The following CNTNAP5 variants were observed in gnomAD, a reference collection of about 807,000 sequenced individuals.
CNTNAP5 encodes the protein contactin-associated protein-like 5.
Under a neutral mutation model 150.2 loss-of-function variants are expected in CNTNAP5, and 72 were observed. The observed-to-expected ratio is 0.48, with a 90% CI of 0.40 to 0.58. CNTNAP5 has a LOEUF of 0.58. Ranked by LOEUF, CNTNAP5 falls within the 20% of genes least tolerant of loss-of-function variation. CNTNAP5 has a pLI of 0.00. For missense variants in CNTNAP5, 1,636 were observed against 1,626.2 expected, an observed-to-expected ratio of 1.01 and a Z score of -0.10; for synonymous variants, 672 against 619.8, an observed-to-expected ratio of 1.08 and a Z score of -1.25.
At chr2:124,060,326 G>A (rs951357036) in intron 1 of CNTNAP5, among the ~76,000 whole-genome samples, 1 of 152,142 alleles carries the variant, frequency 6.6e-6, no homozygotes, top group African/African-American at 2.4e-5. Context: ...GGCTTGCCCT[G>A]ATCATATTAA....
At chr2:124,653,394 C>A (rs11686268) in intron 13 of CNTNAP5, among the ~76,000 whole-genome samples, 83,097 of 150,762 alleles carry the variant, frequency 0.55, 23,454 homozygotes, top group Non-Finnish European at 0.62. Flanking sequence ...ATATATGTGT[C>A]TGTATGATAG....
chr2:124,033,704 G>T (rs1238243914), intron 1 of CNTNAP5, among the ~76,000 whole-genome samples: 1 of 152,078 alleles, frequency 6.6e-6, no homozygotes, highest in Non-Finnish European at 1.5e-5. Flanking sequence ...CAGGGAACCT[G>T]GGAAGGCCCC....
At chr2:124,854,416 A>C (rs73955861) in intron 19 of CNTNAP5, among the ~76,000 whole-genome samples, 10,784 of 152,266 alleles carry the variant, frequency 0.071, 1,164 homozygotes, top group African/African-American at 0.24. Context: ...TCCATTTTTT[A>C]ATCTGAGGAT....
At chr2:124,699,722 A>G (rs1558740147) in intron 13 of CNTNAP5, among the ~76,000 whole-genome samples, 1 of 152,128 alleles carries the variant, frequency 6.6e-6, no homozygotes, top group African/African-American at 2.4e-5. Context: ...TCATGCCTAG[A>G]AGTCACTGCC....
At position 124,745,149 on chromosome 2, in the gene CNTNAP5, T is replaced by A. The variant is rs74597041; in HGVS notation, c.2078-2080T>A. Among the ~76,000 whole-genome samples, 628 of 152,226 alleles carry A rather than the reference T, an allele frequency of 4.1e-3. 4 individuals are homozygous for A. Among genetic ancestry groups the A allele is most frequent in the African/African-American group, 0.014 (591 of 41,536 alleles). On this transcript the variant is annotated intron_variant, in intron 13 of 23. Transcript: ENST00000682447. ...GGGAGTAAAAACACCAAATAAGAATTGGTAAATCTACTAGAAGCAACACAT... is the reference window on the plus strand; with the variant it reads ...GGGAGTAAAAACACCAAATAAGAATAGGTAAATCTACTAGAAGCAACACAT...
chr2:124,200,749 C>T (rs1279431291), intron 1 of CNTNAP5, among the ~76,000 whole-genome samples: 1 of 152,212 alleles, frequency 6.6e-6, no homozygotes, highest in Non-Finnish European at 1.5e-5. Flanking sequence ...GTATTTCTTA[C>T]TCCCTACCTG....
At chr2:124,073,818 C>T (rs2104667171) in intron 1 of CNTNAP5, among the ~76,000 whole-genome samples, 1 of 152,234 alleles carries the variant, frequency 6.6e-6, no homozygotes, top group South Asian at 2.1e-4. Flanking sequence ...CTATATGATT[C>T]AGCAATTCCA....
intron 19 of CNTNAP5, among the ~76,000 whole-genome samples, chr2:124,812,147 A>AT (rs1190897802): frequency 3.6e-5 from 4 of 110,550 alleles, no homozygotes; most frequent in African/African-American, 7.0e-5. Flanking sequence ...TATATATTAT[A>AT]TAATATATAA....
intron 11 of CNTNAP5, among the ~76,000 whole-genome samples, chr2:124,606,271 G>A (rs967010791): frequency 2.0e-5 from 3 of 152,064 alleles, no homozygotes; most frequent in Admixed American, 2.0e-4. Flanking sequence ...CTGGATGGAT[G>A]GGGGAATGGA....
At chr2:124,706,940 A>AAGG (rs368704738) in intron 13 of CNTNAP5, among the ~76,000 whole-genome samples, 234 of 18,200 alleles carry the variant, frequency 0.013, 6 homozygotes, top group African/African-American at 0.016. Context: ...GAAGAAGAAG[A>AAGG]AGGAGGAGGA....
chr2:124,643,622 A>G (rs749525284), intron 12 of CNTNAP5, among the ~76,000 whole-genome samples: 5 of 152,232 alleles, frequency 3.3e-5, no homozygotes, highest in Non-Finnish European at 7.3e-5. Context: ...CTAAGGAATG[A>G]AGTCCAAGCC....
chr2:124,378,997 CT>C (rs1237668593), intron 3 of CNTNAP5, among the ~76,000 whole-genome samples: 1 of 151,710 alleles, frequency 6.6e-6, no homozygotes, highest in East Asian at 1.9e-4. Flanking sequence ...AATTTTTTTT[CT>C]AATTATTTTT....
chr2:124,853,060 G>A (rs555213829), intron 19 of CNTNAP5, among the ~76,000 whole-genome samples: 2 of 152,186 alleles, frequency 1.3e-5, no homozygotes, highest in Admixed American at 6.5e-5. Context: ...GAATAGAAAA[G>A]AATCAACATG....
At chr2:124,066,555 G>T (rs941805361) in intron 1 of CNTNAP5, among the ~76,000 whole-genome samples, 1 of 151,978 alleles carries the variant, frequency 6.6e-6, no homozygotes, top group Non-Finnish European at 1.5e-5. Flanking sequence ...TGGGACCTTC[G>T]ATGTGAAGAC....
At chr2:124,896,397 T>C (rs1173967608) in intron 21 of CNTNAP5, among the ~76,000 whole-genome samples, 2 of 151,694 alleles carry the variant, frequency 1.3e-5, no homozygotes, top group East Asian at 3.9e-4. Flanking sequence ...TACTCTGTAT[T>C]GGACACTGTG....
At chr2:124,365,874 T>C (rs557497875) in intron 3 of CNTNAP5, among the ~76,000 whole-genome samples, 1 of 152,338 alleles carries the variant, frequency 6.6e-6, no homozygotes, top group African/African-American at 2.4e-5. Context: ...CCAGGAGCTC[T>C]TGCATCAAAT....
chr2:124,062,120 C>T (rs765631015), intron 1 of CNTNAP5, among the ~76,000 whole-genome samples: 1 of 152,112 alleles, frequency 6.6e-6, no homozygotes, highest in Non-Finnish European at 1.5e-5. Flanking sequence ...GCTTTTATTA[C>T]AGAATTAATT....
chr2:124,400,515 T>G (rs1691378558), intron 3 of CNTNAP5, among the ~76,000 whole-genome samples: 1 of 152,156 alleles, frequency 6.6e-6, no homozygotes, highest in African/African-American at 2.4e-5. Flanking sequence ...TCCCTAGCTC[T>G]GGGCCTGGCC....
At chr2:124,714,172 G>A (rs71428160) in intron 13 of CNTNAP5, among the ~76,000 whole-genome samples, 15 of 151,836 alleles carry the variant, frequency 9.9e-5, no homozygotes, top group African/African-American at 2.4e-4. Flanking sequence ...CTCAAGAGTC[G>A]CTTGAGTGTA....
Sources: allele counts gnomAD v4.1 joint callset (sites outside exome capture counted in the v4.1 genomes callset), GRCh38; gene constraint gnomAD v4.1.1; transcripts MANE v1.5; gene names NCBI Gene and HGNC (gene_info 2026-07-23, HGNC 2026-07-21).